Variants in PLEKHG4B observed in about 807,000 individuals in gnomAD.
PLEKHG4B encodes the protein pleckstrin homology domain-containing family G member 4B.
PLEKHG4B carries 111 observed loss-of-function variants against 121.3 expected under a neutral mutation model. The observed-to-expected ratio is 0.92, with a 90% CI of 0.78 to 1.07. The LOEUF (loss-of-function observed/expected upper bound fraction) is 1.07, where lower values mean the gene tolerates loss of function less well. Ranked by LOEUF, PLEKHG4B falls within the 50% of genes least tolerant of loss-of-function variation. The pLI is 0.00. For missense variants in PLEKHG4B, 1,831 were observed against 1,757.8 expected (o/e 1.04, Z -0.74); for synonymous variants, 738 against 725.0 (o/e 1.02, Z -0.29).
intron 18 of PLEKHG4B, among the ~76,000 whole-genome samples, chr5:174,635 G>A (rs1334514121): frequency 2.0e-5 from 3 of 152,146 alleles, no homozygotes; most frequent in East Asian, 1.9e-4. Flanking sequence ...GTATAGGCAC[G>A]GTCTGGGGAA....
intron 2 of PLEKHG4B, among the ~76,000 whole-genome samples, chr5:125,626 A>T (rs1734591505): frequency 6.6e-6 from 1 of 152,194 alleles, no homozygotes; most frequent in Admixed American, 6.5e-5. Context: ...CATGTAGAAA[A>T]CAAAAAGGCA....
At chr5:103,504 C>G (rs1166980128) in intron 1 of PLEKHG4B, among the ~76,000 whole-genome samples, 4 of 152,176 alleles carry the variant, frequency 2.6e-5, no homozygotes, top group Non-Finnish European at 4.4e-5. Flanking sequence ...CATTGCCCCA[C>G]CCTCGACTCT....
chr5:133,991 A>AAT (rs1298739473), intron 2 of PLEKHG4B, among the ~76,000 whole-genome samples: 10 of 145,720 alleles, frequency 6.9e-5, no homozygotes, highest in East Asian at 2.0e-4. Flanking sequence ...TATATGATGG[A>AAT]ATATATATAT....
intron 2 of PLEKHG4B, among the ~76,000 whole-genome samples, chr5:118,093 A>G (rs1714783932): frequency 1.3e-5 from 2 of 152,210 alleles, no homozygotes; most frequent in Non-Finnish European, 2.9e-5. Flanking sequence ...CTGGTGTGGC[A>G]ATGTTCATAA....
rs371281447 is a variant in PLEKHG4B at position 187,115 on chromosome 5, G to T, written c.*4792G>T. 6 of 152,434 alleles carry T rather than the reference G, an allele frequency of 3.9e-5. No individual in the cohort carries two copies. The highest frequency in any genetic ancestry group is 1.4e-4 in the African/African-American group (6 of 41,556). 9.4% of individuals were successfully genotyped at this position (152,434 alleles called of 1,614,324 possible). ...GCCGGCCTTCAGATTGACCCCATTCGTGGATGAGTCTACAAGGCTCCCCAG... is the reference window on the plus strand; with the variant it reads ...GCCGGCCTTCAGATTGACCCCATTCTTGGATGAGTCTACAAGGCTCCCCAG... On this transcript the variant is annotated 3_prime_UTR_variant, in exon 20 of 20. Transcript: ENST00000637938.
intron 1 of PLEKHG4B, among the ~76,000 whole-genome samples, chr5:110,650 C>G (rs1410441690): frequency 2.6e-5 from 4 of 152,022 alleles, no homozygotes; most frequent in African/African-American, 4.8e-5. Flanking sequence ...CACATCCACA[C>G]AATCTGCAAC....
intron 1 of PLEKHG4B, among the ~76,000 whole-genome samples, chr5:93,278 A>G (rs1361841393): frequency 1.3e-5 from 2 of 152,014 alleles, no homozygotes; most frequent in African/African-American, 2.4e-5. Flanking sequence ...TTTAATGTAA[A>G]TCTTCATGTA....
Position 143,517 on chromosome 5 carries a change from C to G in PLEKHG4B, c.1811+14C>G. ...TAGCATCCCCAGGTGGGACGGGGGG[C>G]AAGGCCGCACCCTGCAGACCCATGG... On this transcript the variant is annotated intron_variant, in intron 5 of 19. Transcript: ENST00000637938. 1 of 1,612,220 alleles carries G rather than the reference C, an allele frequency of 6.2e-7. No individual in the cohort carries two copies. Among genetic ancestry groups the G allele is most frequent in the Non-Finnish European group, 8.5e-7 (1 of 1,179,686 alleles).
At position 113,328 on chromosome 5, in the gene PLEKHG4B, G is replaced by A. The variant is rs1432114952; in HGVS notation, c.123G>A (p.Thr41=). The part of the protein sequence containing the change: ...LYPPFEATAA[T]VLWQLFSVAE... ...CACCGTTTGAAGCCACGGCAGCCAC[G>A]GTGCTCTGGCAGCTGTTCAGCGTGG... The change falls in exon 2 of 20, where the codon ACG becomes ACA. Residue 41 remains threonine, a synonymous_variant. Transcript: ENST00000637938. The surrounding 1 kb of genome is among the most constrained non-coding windows in gnomAD (Gnocchi z 5.2). 3 of 398,988 alleles carry A rather than the reference G, an allele frequency of 7.5e-6. No homozygotes were observed. Among genetic ancestry groups the A allele is most frequent in the Admixed American group, 4.4e-5 (1 of 22,722 alleles). 24.7% of individuals were successfully genotyped at this position (398,988 alleles called of 1,614,324 possible).
chr5:160,821 A>AC (rs1340492594), intron 11 of PLEKHG4B, among the ~76,000 whole-genome samples: 2 of 151,932 alleles, frequency 1.3e-5, no homozygotes, highest in African/African-American at 4.8e-5. Context: ...GCTCTGCGCC[A>AC]CCCCCACTCT....
chr5:143,950 A>AT (rs66480934), intron 5 of PLEKHG4B: 422 of 160,954 alleles, frequency 2.6e-3, no homozygotes, highest in South Asian at 6.6e-3. Flanking sequence ...ACACACACAA[A>AT]TTTTTTTTTT....
Position 120,291 on chromosome 5 carries a change from A to G in PLEKHG4B, c.243+6843A>G, listed in dbSNP as rs1734429425. ...AGTCATACAGTTCCAAAGAGTTGTG[A>G]TCTCCAACTCTTACAGTCTCATGGT... On this transcript the variant is annotated intron_variant, in intron 2 of 19. Transcript: ENST00000637938. Among the ~76,000 whole-genome samples, 2 of 152,136 alleles carry G rather than the reference A, an allele frequency of 1.3e-5. 1 individual carries two copies. The highest frequency in any genetic ancestry group is 4.1e-4 in the South Asian group (2 of 4,832).
At chr5:127,164 C>T (rs911775937) in intron 2 of PLEKHG4B, among the ~76,000 whole-genome samples, 3 of 152,052 alleles carry the variant, frequency 2.0e-5, no homozygotes, top group Non-Finnish European at 4.4e-5. Flanking sequence ...GTATGAGCTT[C>T]CAGCTTGCTT....
chr5:169,683 G>T, intron 14 of PLEKHG4B, 91 bp downstream of exon 14: 3 of 1,539,754 alleles, frequency 1.9e-6, no homozygotes, highest in South Asian at 1.2e-5. Flanking sequence ...CGTGTCAGGC[G>T]GTTGGAATAG....
In PLEKHG4B at chr5:101,151, G is replaced by A. The variant is rs1733795989; in HGVS notation, c.45+8875G>A. Among the ~76,000 whole-genome samples the A allele has an allele frequency of 1.7e-5, 2 of 120,664 alleles. 1 individual carries two copies. Among genetic ancestry groups the A allele is most frequent in the African/African-American group, 8.8e-5 (2 of 22,840 alleles). The allele number at this position is 120,664 out of a possible 152,430, so 79.2% of individuals were successfully genotyped here. A position where few individuals can be genotyped will look rare whatever the true frequency, so the allele number is the denominator to read the frequency against. On this transcript the variant is annotated intron_variant, in intron 1 of 19. Transcript: ENST00000637938. ...AGCCCTGGAAAAAGTCTATAGGGGAGAGATTGTTGTGAGGTTAATCCATAT... is the reference window on the plus strand; with the variant it reads ...AGCCCTGGAAAAAGTCTATAGGGGAAAGATTGTTGTGAGGTTAATCCATAT...
intron 2 of PLEKHG4B, among the ~76,000 whole-genome samples, chr5:133,998 A>G (rs1178343594): frequency 6.8e-6 from 1 of 147,588 alleles, no homozygotes; most frequent in Non-Finnish European, 1.5e-5. Flanking sequence ...TGGAATATAT[A>G]TATATGAGAT....
intron 6 of PLEKHG4B, among the ~76,000 whole-genome samples, chr5:146,831 C>T (rs932102034): frequency 3.3e-5 from 5 of 151,154 alleles, no homozygotes; most frequent in African/African-American, 9.8e-5. Flanking sequence ...CTCCCCTTGC[C>T]TTAGAGTGAA....
chr5:118,492 C>T (rs903035369), intron 2 of PLEKHG4B, among the ~76,000 whole-genome samples: 9 of 152,192 alleles, frequency 5.9e-5, no homozygotes, highest in Non-Finnish European at 1.0e-4. Flanking sequence ...ACATTTATCT[C>T]AAGGGTGTAT....
At chr5:181,755 C>T (rs572795510) in intron 19 of PLEKHG4B, 80 bp downstream of exon 19, 15 of 1,527,418 alleles carry the variant, frequency 9.8e-6, no homozygotes, top group Admixed American at 7.5e-5. Context: ...ACGGTGGCAT[C>T]GGCCCCACCC....
Sources: allele counts gnomAD v4.1 joint callset (sites outside exome capture counted in the v4.1 genomes callset), GRCh38; gene constraint gnomAD v4.1.1; non-coding constraint Gnocchi (gnomAD v3.1); transcripts MANE v1.5; gene names NCBI Gene and HGNC (gene_info 2026-07-23, HGNC 2026-07-21).